IL17D: variants seen among roughly 807,000 people sequenced by gnomAD.
The protein encoded by IL17D is interleukin 17D.
A neutral mutation model predicts 5.7 loss-of-function variants in IL17D; 10 were observed. That is an observed-to-expected ratio of 1.75 (90% CI 1.08 to 2.97). IL17D has a LOEUF of 2.97. Ranked by LOEUF, IL17D falls within the 30% of genes most tolerant of loss-of-function variation. IL17D has a pLI of 0.00. For synonymous variants in IL17D, 172 were observed against 141.7 expected (o/e 1.21, Z -1.52); for missense variants, 354 against 292.7 (o/e 1.21, Z -1.53).
upstream of IL17D, chr13:20,703,183 G>A (rs2058557971): frequency 2.8e-6 from 2 of 709,786 alleles, no homozygotes; most frequent in Non-Finnish European, 3.5e-6. Flanking sequence ...CCAGGCCCTG[G>A]GCGCCCCGCC....
In IL17D at chr13:20,704,092, T is replaced by A; in HGVS notation, c.91T>A (p.Cys31Ser). The change falls in exon 1 of 2, where the codon TGC (cysteine) becomes AGC (serine). Residue 31 changes from cysteine to serine, a missense_variant. Cys to Ser is a moderately radical substitution (Grantham distance 112, BLOSUM62 -1). Transcript: ENST00000682841. The part of the protein sequence containing the change: ...AGRRPARPRG[C>S]ADRPEELLEQ... ...CAGGCGCCCCGCGCGGCCGCGGGGC[T>A]GCGCGGACCGGCCGGAGGAGCTACT... 1 of 1,223,412 alleles carries A rather than the reference T, an allele frequency of 8.2e-7. No homozygotes were observed. Among genetic ancestry groups the A allele is most frequent in the African/African-American group, 1.6e-5 (1 of 61,258 alleles). 75.8% of individuals were successfully genotyped at this position (1,223,412 alleles called of 1,614,324 possible).
chr13:20,710,385 G>GAACTGGGGA (rs2058625302), intron 1 of IL17D, among the ~76,000 whole-genome samples: 1 of 149,896 alleles, frequency 6.7e-6, no homozygotes, highest in Non-Finnish European at 1.5e-5. Context: ...AGGCCGAGGT[G>GAACTGGGGA]GGTGGATCAC....
chr13:20,702,071 G>A (rs757380946), upstream of IL17D: 4 of 152,118 alleles, frequency 2.6e-5, no homozygotes, highest in East Asian at 1.9e-4. Context: ...CCCTCATAAT[G>A]ATACTCTCTT....
At chr13:20,705,324 TG>T (rs1221501899) in intron 1 of IL17D, among the ~76,000 whole-genome samples, 2 of 35,320 alleles carry the variant, frequency 5.7e-5, no homozygotes, top group African/African-American at 1.0e-4. Flanking sequence ...GCGGTGGGGG[TG>T]GGGGGGCGTA....
intron 1 of IL17D, among the ~76,000 whole-genome samples, chr13:20,710,430 A>G (rs892266837): frequency 1.4e-4 from 20 of 144,500 alleles, no homozygotes; most frequent in Non-Finnish European, 2.9e-4. Context: ...CCTGAGCAAC[A>G]TGGAGAAACC....
chr13:20,717,317 C>T (rs564263889), intron 1 of IL17D: 18 of 152,368 alleles, frequency 1.2e-4, no homozygotes, highest in African/African-American at 4.3e-4. Flanking sequence ...AATGACTGCC[C>T]ACAGGAGGCG....
chr13:20,708,973 A>G (rs1354159644), intron 1 of IL17D, among the ~76,000 whole-genome samples: 4 of 144,632 alleles, frequency 2.8e-5, no homozygotes, highest in South Asian at 2.2e-4. Context: ...AAAAAAAAAA[A>G]AAAAAGAAAG....
In IL17D at chr13:20,721,766, G is replaced by A. The variant is rs1173424394; in HGVS notation, c.421G>A (p.Val141Ile). 1 of 1,609,608 alleles carries A rather than the reference G, an allele frequency of 6.2e-7. No individual in the cohort carries two copies. Among genetic ancestry groups the A allele is most frequent in the Admixed American group, 1.7e-5 (1 of 59,988 alleles). ...CAGCGCCCCTGTCTACATGCCCACC[G>A]TCGTCCTGCGCCGCACCCCCGCCTG... ...FRSAPVYMPT[V>I]VLRRTPACAG... The change falls in exon 2 of 2, where the codon GTC becomes ATC. Residue 141 changes from valine to isoleucine, a missense_variant. Transcript: ENST00000682841.
At chr13:20,713,226 G>T (rs1433975842) in intron 1 of IL17D, 3 of 152,232 alleles carry the variant, frequency 2.0e-5, no homozygotes, top group Non-Finnish European at 4.4e-5. Flanking sequence ...GGGCTCTGCT[G>T]CCTGGCTGGG....
At chr13:20,711,000 C>T (rs2075414732) in intron 1 of IL17D, among the ~76,000 whole-genome samples, 1 of 152,126 alleles carries the variant, frequency 6.6e-6, no homozygotes, top group Non-Finnish European at 1.5e-5. Flanking sequence ...CGTGGTGGCT[C>T]ACGCCTGTAA....
At position 20,704,160 on chromosome 13, in the gene IL17D, C is replaced by T; in HGVS notation, c.159C>T (p.Ala53=). 2 of 1,371,472 alleles carry T rather than the reference C, an allele frequency of 1.5e-6. No homozygotes were observed. Among genetic ancestry groups the T allele is most frequent in the Non-Finnish European group, 1.9e-6 (2 of 1,054,464 alleles). 85.0% of individuals were successfully genotyped at this position (1,371,472 alleles called of 1,614,324 possible). The change falls in exon 1 of 2, where the codon GCC becomes GCT. Residue 53 remains alanine, a synonymous_variant. Transcript: ENST00000682841. ...GCCTGGCGGCCGGCGTGCTCAGTGC[C>T]TTCCACCACACGCTGCAGCTGGGGC... ...YGRLAAGVLS[A]FHHTLQLGPR...
chr13:20,716,212 C>T lies in IL17D; in HGVS notation c.291-5424C>T, dbSNP rs192291345. On this transcript the variant is annotated intron_variant, in intron 1 of 1. Transcript: ENST00000682841. This position sits in a 1 kb window ranked among gnomAD's most constrained non-coding sequence, Gnocchi z 4.2. The stretch of plus-strand genomic sequence containing the variant: ...GTCCCTCAGTGTCCCCAGAGGACGG[C>T]GGATGTCTTGGTATTACCATGGTTG... 9.1e-5 allele frequency: 40 copies of T among 440,096 alleles called. No individual in the cohort carries two copies. Among genetic ancestry groups the T allele is most frequent in the African/African-American group, 6.8e-4 (32 of 46,872 alleles). 27.3% of individuals were successfully genotyped at this position (440,096 alleles called of 1,614,324 possible). A position where few individuals can be genotyped will look rare whatever the true frequency, so the allele number is the denominator to read the frequency against.
chr13:20,712,134 C>T (rs1318334447), intron 1 of IL17D, among the ~76,000 whole-genome samples: 2 of 152,250 alleles, frequency 1.3e-5, no homozygotes, highest in Non-Finnish European at 2.9e-5. Flanking sequence ...CAGCCAGGAA[C>T]CACAGACCCT....
chr13:20,706,169 T>C (rs2058590831), intron 1 of IL17D, among the ~76,000 whole-genome samples: 1 of 152,184 alleles, frequency 6.6e-6, no homozygotes, highest in Non-Finnish European at 1.5e-5. Flanking sequence ...CCCTTCTCAC[T>C]CCTGTCCTTC....
intron 1 of IL17D, chr13:20,712,508 TG>T (rs2058646914): frequency 6.6e-6 from 1 of 152,468 alleles, no homozygotes; most frequent in African/African-American, 2.4e-5. Context: ...GAGAATCGCT[TG>T]AACCCGGAAG....
At chr13:20,711,833 A>AGC (rs10668244) in intron 1 of IL17D, among the ~76,000 whole-genome samples, 54,170 of 151,924 alleles carry the variant, frequency 0.36, 11,030 homozygotes, top group East Asian at 0.78. Context: ...GATGTGGGAT[A>AGC]CAGACTGGAA....
intron 1 of IL17D, among the ~76,000 whole-genome samples, chr13:20,708,616 G>A (rs762719754): frequency 4.1e-4 from 62 of 152,022 alleles, no homozygotes; most frequent in Non-Finnish European, 5.9e-4. Context: ...AGTAAAATAA[G>A]AAAAATACAA....
chr13:20,711,317 G>A (rs995493407), intron 1 of IL17D, among the ~76,000 whole-genome samples: 5 of 150,620 alleles, frequency 3.3e-5, no homozygotes, highest in African/African-American at 7.4e-5. Flanking sequence ...TCTGGAGGCT[G>A]GAAAGCCCAA....
chr13:20,705,186 C>T (rs2058581760), intron 1 of IL17D, among the ~76,000 whole-genome samples: 1 of 152,070 alleles, frequency 6.6e-6, no homozygotes, highest in Admixed American at 6.5e-5. Context: ...AGAAAGGCTT[C>T]GTGAAAGAGC....
Sources: gnomAD v4.1 joint callset for allele counts (sites outside exome capture counted in the v4.1 genomes callset) on GRCh38, gnomAD v4.1.1 for gene constraint, Gnocchi (gnomAD v3.1) non-coding constraint, MANE v1.5 for transcripts, NCBI Gene and HGNC (gene_info 2026-07-23, HGNC 2026-07-21) for gene names.